The following FAAH2 variants were observed in gnomAD, a reference collection of about 807,000 sequenced individuals.
The protein encoded by FAAH2 is fatty-acid amide hydrolase 2.
FAAH2 carries 60 observed loss-of-function variants against 36.9 expected under a neutral mutation model. The observed-to-expected ratio is 1.63, with a 90% CI of 1.32 to 2.02. The LOEUF is 2.02. FAAH2 is among the 30% of genes most tolerant of loss of function. FAAH2 has a pLI of 0.00. For synonymous variants in FAAH2, 214 were observed against 143.8 expected, an observed-to-expected ratio of 1.49 and a Z score of -3.49; for missense variants, 689 against 397.5, an observed-to-expected ratio of 1.73 and a Z score of -6.23.
At chrX:57,294,090 G>T (rs1274113991) in intron 2 of FAAH2, among the ~76,000 whole-genome samples, 2 of 111,979 alleles carry the variant, frequency 1.8e-5, no homozygotes, top group Non-Finnish European at 3.8e-5. Flanking sequence ...TAAAACACTG[G>T]CATTAAGATG....
chrX:57,160,676 C>A, the FAAH2 span, among the ~76,000 whole-genome samples: 2 of 111,893 alleles, frequency 1.8e-5, no homozygotes, highest in East Asian at 2.8e-4. Context: ...TCTGTGGGAT[C>A]GGTAGTGATA....
chrX:57,204,865 C>T, the FAAH2 span, among the ~76,000 whole-genome samples: 2 of 112,144 alleles, frequency 1.8e-5, no homozygotes, highest in Admixed American at 1.9e-4. Flanking sequence ...TGTGGCATGT[C>T]CTTGAGAATT....
intron 5 of FAAH2, among the ~76,000 whole-genome samples, chrX:57,346,630 G>C (rs1569278782): frequency 9.0e-6 from 1 of 111,269 alleles, no homozygotes; most frequent in African/African-American, 3.3e-5. Flanking sequence ...TACTCATGTT[G>C]TTAGCTAGTT....
chrX:57,195,652 G>T, the FAAH2 span, among the ~76,000 whole-genome samples: 1 of 111,718 alleles, frequency 9.0e-6, no homozygotes, highest in African/African-American at 3.3e-5. Flanking sequence ...TTTACTTTTG[G>T]ATTCTTGATC....
chrX:57,212,005 G>T, the FAAH2 span, among the ~76,000 whole-genome samples: 1 of 111,760 alleles, frequency 8.9e-6, no homozygotes, highest in African/African-American at 3.3e-5. Flanking sequence ...GGAGGCCAAG[G>T]CAAGATGATT....
chrX:57,357,065 T>C (rs1421806259), intron 5 of FAAH2, among the ~76,000 whole-genome samples: 1 of 111,519 alleles, frequency 9.0e-6, no homozygotes, highest in Non-Finnish European at 1.9e-5. Context: ...CTGTGTTTGT[T>C]TGCTGAGAAT....
chrX:57,338,085 G>C (rs964783655), intron 4 of FAAH2, among the ~76,000 whole-genome samples: 2 of 111,994 alleles, frequency 1.8e-5, no homozygotes, highest in Admixed American at 1.9e-4. Flanking sequence ...CGTGTGAAGA[G>C]ACCACCAAAC....
At chrX:57,404,122 G>C (rs1351152717) in intron 7 of FAAH2, among the ~76,000 whole-genome samples, 2 of 112,200 alleles carry the variant, frequency 1.8e-5, no homozygotes, top group African/African-American at 3.2e-5. Context: ...TTTATAGGAA[G>C]TCTACTGGTT....
chrX:57,210,736 G>T, the FAAH2 span, among the ~76,000 whole-genome samples: 9 of 112,214 alleles, frequency 8.0e-5, no homozygotes, highest in African/African-American at 2.9e-4. Flanking sequence ...GATGGTACTG[G>T]AAGTCCTAGC....
At chrX:57,232,065 C>A in the FAAH2 span, among the ~76,000 whole-genome samples, 1 of 111,558 alleles carries the variant, frequency 9.0e-6, no homozygotes, top group South Asian at 3.7e-4. Flanking sequence ...AATAGTATGT[C>A]TTTTGACTGA....
the FAAH2 span, among the ~76,000 whole-genome samples, chrX:57,123,299 A>G: frequency 8.9e-6 from 1 of 111,796 alleles, no homozygotes; most frequent in Non-Finnish European, 1.9e-5. Context: ...GATGGTTTCC[A>G]GCTTCATCCA....
the FAAH2 span, among the ~76,000 whole-genome samples, chrX:57,228,011 T>C: frequency 1.8e-5 from 2 of 112,084 alleles, no homozygotes; most frequent in Non-Finnish European, 3.8e-5. Context: ...GCAACAGCCC[T>C]GAACCTGTTT....
upstream of FAAH2, among the ~76,000 whole-genome samples, chrX:57,284,092 T>G (rs1413670648): frequency 8.9e-6 from 1 of 111,955 alleles, no homozygotes; most frequent in Non-Finnish European, 1.9e-5. Context: ...GCTTGCCTGC[T>G]CCCTCTGGGA....
the FAAH2 span, among the ~76,000 whole-genome samples, chrX:57,265,425 T>C: frequency 8.9e-6 from 1 of 111,770 alleles, no homozygotes; most frequent in Non-Finnish European, 1.9e-5. Flanking sequence ...GTTGTGTCTC[T>C]CTGTGATGGA....
At chrX:57,193,353 C>T in the FAAH2 span, among the ~76,000 whole-genome samples, 1 of 111,869 alleles carries the variant, frequency 8.9e-6, no homozygotes, top group Non-Finnish European at 1.9e-5. Flanking sequence ...ACCCTGTCTC[C>T]TGATAAGATG....
chrX:57,432,364 G>A (rs762276571), intron 8 of FAAH2, among the ~76,000 whole-genome samples: 3 of 111,032 alleles, frequency 2.7e-5, no homozygotes, highest in Non-Finnish European at 3.8e-5. Context: ...GGGAAACCAC[G>A]GCAAGAACAA....
At chrX:57,431,880 C>A (rs761276985) in intron 7 of FAAH2, 38 bp from the exon 8 acceptor site, 6 of 1,065,148 alleles carry the variant, frequency 5.6e-6, no homozygotes, top group Non-Finnish European at 7.4e-6. Context: ...CTCCTCTTCT[C>A]ATCATGTTTG....
the FAAH2 span, among the ~76,000 whole-genome samples, chrX:57,176,931 G>A: frequency 7.2e-5 from 8 of 110,635 alleles, no homozygotes; most frequent in South Asian, 7.7e-4. Context: ...TGCTAGAGGC[G>A]TGAGCAAGTT....
intron 3 of FAAH2, among the ~76,000 whole-genome samples, chrX:57,329,860 T>A (rs1381068448): frequency 1.8e-5 from 2 of 111,924 alleles, no homozygotes; most frequent in Non-Finnish European, 1.9e-5. Flanking sequence ...TAATTTCTTA[T>A]GTCTGTCTTT....
Sources: gnomAD v4.1 joint callset for allele counts (sites outside exome capture counted in the v4.1 genomes callset) on GRCh38, gnomAD v4.1.1 for gene constraint, MANE v1.5 for transcripts, NCBI Gene and HGNC (gene_info 2026-07-23, HGNC 2026-07-21) for gene names.